ALPK3: variants seen among roughly 807,000 people sequenced by gnomAD.
ALPK3 encodes alpha-protein kinase 3.
Under a neutral mutation model 140.0 loss-of-function variants are expected in ALPK3, and 102 were observed. That is an observed-to-expected ratio of 0.73 (90% CI 0.62 to 0.86). The LOEUF is 0.86. ALPK3 is among the 40% of genes least tolerant of loss of function. ALPK3 has a pLI of 0.00. For synonymous variants in ALPK3, 938 were observed against 898.5 expected (o/e 1.04, Z -0.79); for missense variants, 2,254 against 2,208.2 (o/e 1.02, Z -0.42).
intron 3 of ALPK3, among the ~76,000 whole-genome samples, chr15:84,836,937 G>A (rs1963602991): frequency 6.6e-6 from 1 of 152,158 alleles, no homozygotes; most frequent in African/African-American, 2.4e-5. Context: ...AGTAGGAGGA[G>A]CAGCCAGAAA....
At position 84,857,922 on chromosome 15, in the gene ALPK3, T is replaced by C. The variant is rs1596155813; in HGVS notation, c.3184T>C (p.Trp1062Arg). 6.2e-7 allele frequency: 1 copy of C among 1,610,288 alleles called. No individual in the cohort carries two copies. Among genetic ancestry groups the C allele is most frequent in the African/African-American group, 1.3e-5 (1 of 74,876 alleles). The part of the protein sequence containing the change: ...RQALAAARGS[W>R]GPGPSSLTVP... ...GGCCCTTGCTGCTGCCCGAGGCTCC[T>C]GGGGTCCTGGTCCCAGCTCCCTCAC... Residue 1062 changes from tryptophan (W) to arginine (R), a missense_variant, in exon 6 of 14, where the codon TGG becomes CGG. By Grantham distance (101) the Trp-to-Arg change is moderately radical (BLOSUM62 -3). Around this residue, in one of 3 missense-constraint regions of ALPK3, gnomAD observed 2,088 missense variants for 2,022.9 expected, o/e 1.03. Coordinates refer to ENST00000258888, the MANE Select transcript of ALPK3 (RefSeq NM_020778.5).
In ALPK3 at chr15:84,820,050, G is replaced by A. The variant is rs61542284; in HGVS notation, c.143+2455G>A. Among the ~76,000 whole-genome samples, 1,430 of 152,314 alleles carry A rather than the reference G, an allele frequency of 9.4e-3. 23 individuals carry two copies. Among genetic ancestry groups the A allele is most frequent in the African/African-American group, 0.033 (1,370 of 41,572 alleles). ...TGTAGGCCCAGCCCCCAGGTCACCC[G>A]GCATCTAGGACCTCACCCCCATAGA... On this transcript the variant is annotated intron_variant, in intron 1 of 13. Transcript: ENST00000258888.
Position 84,827,379 on chromosome 15 carries a change from AG to A in ALPK3, c.183-103del, listed in dbSNP as rs1222123823. The A allele has an allele frequency of 5.3e-6, 8 of 1,517,470 alleles. No homozygotes were observed. The African/African-American group carries it at 1.1e-4, about 21-fold the overall frequency. 94.0% of individuals were successfully genotyped at this position (1,517,470 alleles called of 1,614,324 possible). A position where few individuals can be genotyped will look rare whatever the true frequency, so the allele number is the denominator to read the frequency against. ...GCCGGGGTGCTGCAGCTCTGGCCAC[AG>A]GAAGATGGGCAGGCATGGTAAGACG... is the stretch of plus-strand genomic sequence containing the variant. On this transcript the variant is annotated intron_variant, in intron 2 of 13. Coordinates refer to ENST00000258888, the MANE Select transcript of ALPK3 (RefSeq NM_020778.5).
At chr15:84,828,616 C>T (rs1465925462) in intron 3 of ALPK3, among the ~76,000 whole-genome samples, 1 of 152,210 alleles carries the variant, frequency 6.6e-6, no homozygotes, top group African/African-American at 2.4e-5. Context: ...CAGTTCTCAC[C>T]CTTACTCAAC....
Position 84,857,207 on chromosome 15 carries a change from A to G in ALPK3, c.2469A>G (p.Ser823=), listed in dbSNP as rs201780221. Residue 823 remains serine (S), a synonymous_variant, in exon 6 of 14, where the codon TCA becomes TCG. Transcript: ENST00000258888. ...GAGAGAGATGCCGAGGGCCACAGTC[A>G]TCAGGCCCAGTCGAGGCCAAGCAGG... is the stretch of plus-strand genomic sequence containing the variant. ...VGGERCRGPQ[S]SGPVEAKQED... is the part of the protein sequence containing the mutation. 446 of 1,614,046 alleles carry G rather than the reference A, an allele frequency of 2.8e-4. No individual in the cohort carries two copies. Among genetic ancestry groups the G allele is most frequent in the Non-Finnish European group, 1.1e-4 (125 of 1,179,956 alleles).
chr15:84,849,591 G>A (rs1963778212), intron 5 of ALPK3, among the ~76,000 whole-genome samples: 1 of 152,034 alleles, frequency 6.6e-6, no homozygotes, highest in African/African-American at 2.4e-5. Context: ...AATTAAACTA[G>A]AAATCAATGA....
intron 5 of ALPK3, among the ~76,000 whole-genome samples, chr15:84,849,080 T>A (rs1963768901): frequency 6.6e-6 from 1 of 151,876 alleles, no homozygotes; most frequent in Non-Finnish European, 1.5e-5. Flanking sequence ...AGGTGGAGGT[T>A]GCGTTGAGTC....
At position 84,869,987 on chromosome 15, in the gene ALPK3, G is replaced by C. The variant is rs1005998398; in HGVS notation, c.*1531G>C. ...GGGTGTCTGGGGACTTACGCCTTTG[G>C]AATTGCTCTTCATTCAGAAGAGGAA... On this transcript the variant is annotated 3_prime_UTR_variant, in exon 14 of 14. Transcript: ENST00000258888. 2 of 152,316 alleles carry C rather than the reference G, an allele frequency of 1.3e-5. No homozygotes were observed. The highest frequency in any genetic ancestry group is 4.8e-5 in the African/African-American group (2 of 41,572). 9.4% of individuals were successfully genotyped at this position (152,316 alleles called of 1,614,324 possible).
At position 84,864,443 on chromosome 15, in the gene ALPK3, A is replaced by G; in HGVS notation, c.4501A>G (p.Ile1501Val). The G allele has an allele frequency of 6.2e-7, 1 of 1,613,738 alleles. No homozygotes were observed. Among genetic ancestry groups the G allele is most frequent in the Non-Finnish European group, 8.5e-7 (1 of 1,179,716 alleles). ...AAPGFGEVPE[I>V]IPLYLIYRPA... is the part of the protein sequence containing the mutation. ...ACTGCAGGGTGAAACTATGTTTAGG[A>G]TCATCCCACTGTATCTGATCTACCG... Residue 1501 changes from isoleucine to valine, a missense_variant and splice_region_variant, in exon 12 of 14, where the codon ATC becomes GTC. Physicochemically the swap from Ile to Val is conservative, Grantham distance 29. Coordinates refer to ENST00000258888, the MANE Select transcript of ALPK3 (RefSeq NM_020778.5).
rs1964037204 is a variant in ALPK3 at position 84,869,063 on chromosome 15, G to A, written c.*607G>A. ...CCCTTCCAGAGCCTGTCATGTCCTT[G>A]TGCAGTGGCCTTTGATGTGTGTTCA... On this transcript the variant is annotated 3_prime_UTR_variant, in exon 14 of 14. Coordinates refer to ENST00000258888, the MANE Select transcript of ALPK3 (RefSeq NM_020778.5). 1 of 156,182 alleles carries A rather than the reference G, an allele frequency of 6.4e-6. No homozygotes were observed. Among genetic ancestry groups the A allele is most frequent in the African/African-American group, 2.4e-5 (1 of 41,450 alleles). 9.7% of individuals were successfully genotyped at this position (156,182 alleles called of 1,614,324 possible).
intron 1 of ALPK3, among the ~76,000 whole-genome samples, chr15:84,821,277 G>A (rs1359856843): frequency 6.6e-6 from 1 of 152,224 alleles, no homozygotes; most frequent in Admixed American, 6.5e-5. Flanking sequence ...GGCCTAGAGA[G>A]GGCAGGGCGG....
Position 84,863,594 on chromosome 15 carries a change from T to C in ALPK3, c.4453T>C (p.Phe1485Leu), listed in dbSNP as rs371495524. 1.4e-5 allele frequency: 23 copies of C among 1,613,964 alleles called. No individual in the cohort carries two copies. Among genetic ancestry groups the C allele is most frequent in the Non-Finnish European group, 1.9e-5 (23 of 1,179,984 alleles). The change falls in exon 11 of 14, where the codon TTC becomes CTC. Residue 1485 changes from phenylalanine (F) to leucine (L), a missense_variant. Around this residue, in one of 3 missense-constraint regions of ALPK3, gnomAD observed 2,088 missense variants for 2,022.9 expected, o/e 1.03. Transcript: ENST00000258888. Reference sequence around the variant, plus strand: ...CATGAGTCGGGAGTACTGCAAAATCTTCGCAGCAGAAGCCCGGGCCGCGCC... The same window carrying C: ...CATGAGTCGGGAGTACTGCAAAATCCTCGCAGCAGAAGCCCGGGCCGCGCC... ...QNMSREYCKIFAAEARAAPGF... is the reference protein window; with the variant it reads ...QNMSREYCKILAAEARAAPGF...
At chr15:84,866,974 G>T (rs188892419) in intron 12 of ALPK3, among the ~76,000 whole-genome samples, 2 of 152,270 alleles carry the variant, frequency 1.3e-5, no homozygotes, top group Admixed American at 1.3e-4. Context: ...ATTGCACATG[G>T]CCAGAGCTCA....
At chr15:84,850,509 G>GCC (rs1963789967) in intron 5 of ALPK3, among the ~76,000 whole-genome samples, 1 of 151,924 alleles carries the variant, frequency 6.6e-6, no homozygotes, top group Non-Finnish European at 1.5e-5. Context: ...TCAGCCTCCA[G>GCC]AGTAGCTAGG....
rs116262876 is a variant in ALPK3 at position 84,852,590 on chromosome 15, G to A, written c.1654-3802G>A. 874 of 301,768 alleles carry A rather than the reference G, an allele frequency of 2.9e-3. 8 individuals are homozygous for A. The highest frequency in any genetic ancestry group is 0.017 in the African/African-American group (771 of 44,994). The allele number at this position is 301,768 out of a possible 1,614,324, so 18.7% of individuals were successfully genotyped here. On this transcript the variant is annotated intron_variant, in intron 5 of 13. Coordinates refer to ENST00000258888, the MANE Select transcript of ALPK3 (RefSeq NM_020778.5). ...TTGCTCACAGCGTTAAGAGCTCTTG[G>A]TTTTGCAGCCTCTTTGAAATGACCT... is the stretch of plus-strand genomic sequence containing the variant.
chr15:84,836,572 T>C (rs888281020), intron 3 of ALPK3, among the ~76,000 whole-genome samples: 2 of 152,268 alleles, frequency 1.3e-5, no homozygotes, highest in African/African-American at 2.4e-5. Flanking sequence ...CTCTAGGTTT[T>C]GGCCTGAGCC....
At chr15:84,867,294 C>T in intron 12 of ALPK3, 23 bp from the exon 13 acceptor site, 2 of 1,613,654 alleles carry the variant, frequency 1.2e-6, no homozygotes, top group Non-Finnish European at 1.7e-6. Flanking sequence ...CTGGCATCAA[C>T]TCCCAACTTT....
chr15:84,832,330 C>CA (rs1445081858), intron 3 of ALPK3, among the ~76,000 whole-genome samples: 8 of 152,292 alleles, frequency 5.3e-5, no homozygotes, highest in Middle Eastern at 3.4e-3. Context: ...TTCTAACTTT[C>CA]AAAATTTTGT....
chr15:84,840,648 G>A lies in ALPK3; in HGVS notation c.1369G>A (p.Glu457Lys), dbSNP rs2141557154. 6.3e-7 allele frequency: 1 copy of A among 1,575,946 alleles called. No individual in the cohort carries two copies. Among genetic ancestry groups the A allele is most frequent in the Non-Finnish European group, 8.6e-7 (1 of 1,162,602 alleles). ...GAAGGCACCCCTCAGGGCTAGAAGCGAGGGGGTGCCTGGCGCTCCTGGCCA... is the reference window on the plus strand; with the variant it reads ...GAAGGCACCCCTCAGGGCTAGAAGCAAGGGGGTGCCTGGCGCTCCTGGCCA... Reference protein sequence around the residue: ...KGKAPLRARSEGVPGAPGQPT... With the variant: ...KGKAPLRARSKGVPGAPGQPT... Residue 457 changes from glutamate to lysine, a missense_variant, in exon 5 of 14, where the codon GAG (glutamate) becomes AAG (lysine). Glu to Lys is a moderately conservative substitution (Grantham distance 56). Transcript: ENST00000258888.
Sources: allele counts gnomAD v4.1 joint callset (sites outside exome capture counted in the v4.1 genomes callset), GRCh38; gene constraint gnomAD v4.1.1; regional missense constraint gnomAD v4.1.1; transcripts MANE v1.5; gene names NCBI Gene and HGNC (gene_info 2026-07-23, HGNC 2026-07-21).